GRIP1: variants seen among roughly 807,000 people sequenced by gnomAD.
The protein encoded by GRIP1 is glutamate receptor interacting protein 1.
In GRIP1, 45 loss-of-function variants were observed where a neutral mutation model predicts 129.9. The ratio of observed to expected loss-of-function variants is 0.35; its 90% CI spans 0.27 to 0.44. The LOEUF is 0.44. Ranked by LOEUF, GRIP1 falls within the 20% of genes least tolerant of loss-of-function variation. GRIP1 has a pLI of 1.00. For missense variants in GRIP1, 1,196 were observed against 1,396.8 expected, an observed-to-expected ratio of 0.86 and a Z score of 2.29; for synonymous variants, 530 against 520.8, an observed-to-expected ratio of 1.02 and a Z score of -0.24.
chr12:66,785,320 A>G (rs2038291344), intron 1 of GRIP1, among the ~76,000 whole-genome samples: 1 of 48,248 alleles, frequency 2.1e-5, no homozygotes, highest in Admixed American at 2.6e-4. Flanking sequence ...ACATACATAC[A>G]TACATACATA....
At chr12:66,565,300 A>G (rs1422809381) in intron 2 of GRIP1, among the ~76,000 whole-genome samples, 6 of 152,138 alleles carry the variant, frequency 3.9e-5, no homozygotes, top group Non-Finnish European at 8.8e-5. Flanking sequence ...TAATTTTTGT[A>G]TAAGGTGTAA....
At chr12:66,891,298 G>C (rs12299060) in intron 1 of GRIP1, among the ~76,000 whole-genome samples, 2,470 of 152,224 alleles carry the variant, frequency 0.016, 83 homozygotes, top group African/African-American at 0.056. Context: ...GTTGCAGTTG[G>C]GACTCAATGG....
chr12:66,570,064 T>C (rs997078336), intron 2 of GRIP1, among the ~76,000 whole-genome samples: 4 of 152,018 alleles, frequency 2.6e-5, no homozygotes, highest in African/African-American at 9.7e-5. Context: ...AGTTCACAGT[T>C]GTTAAAATGT....
intron 1 of GRIP1, among the ~76,000 whole-genome samples, chr12:66,874,760 T>A (rs1016079327): frequency 3.3e-5 from 5 of 151,970 alleles, no homozygotes; most frequent in Non-Finnish European, 7.4e-5. Flanking sequence ...CATGAGAATT[T>A]TTCCCCCATG....
intron 1 of GRIP1, among the ~76,000 whole-genome samples, chr12:66,879,678 T>G (rs2040441198): frequency 6.6e-6 from 1 of 152,142 alleles, no homozygotes; most frequent in African/African-American, 2.4e-5. Flanking sequence ...CAGAATGAAT[T>G]GAATGGCAAC....
chr12:66,908,964 G>C (rs1257178344), intron 1 of GRIP1, among the ~76,000 whole-genome samples: 1 of 152,154 alleles, frequency 6.6e-6, no homozygotes, highest in Non-Finnish European at 1.5e-5. Context: ...CAATGGAGGA[G>C]CTTAGACTTC....
intron 1 of GRIP1, among the ~76,000 whole-genome samples, chr12:66,909,449 T>C (rs1295465297): frequency 6.6e-6 from 1 of 152,262 alleles, no homozygotes; most frequent in African/African-American, 2.4e-5. Context: ...TCATTGCATA[T>C]GCAAAACTAG....
Position 66,844,536 on chromosome 12 carries a change from A to G in GRIP1, c.58+224514T>C, listed in dbSNP as rs116509969. Among the ~76,000 whole-genome samples, 744 of 152,316 alleles carry G rather than the reference A, an allele frequency of 4.9e-3. 6 individuals are homozygous for G. Among genetic ancestry groups the G allele is most frequent in the African/African-American group, 0.017 (709 of 41,574 alleles). Reference sequence around the variant, plus strand: ...GGGAATGTAAAATGGTACAGCCACTATGGAAAACAATATGACTTCTCCTCA... The same window carrying G: ...GGGAATGTAAAATGGTACAGCCACTGTGGAAAACAATATGACTTCTCCTCA... On this transcript the variant is annotated intron_variant, in intron 1 of 1. Coordinates refer to the GRIP1 transcript ENST00000643019.
chr12:66,763,997 T>C (rs2037550274), intron 1 of GRIP1, among the ~76,000 whole-genome samples: 1 of 152,202 alleles, frequency 6.6e-6, no homozygotes, highest in Non-Finnish European at 1.5e-5. Flanking sequence ...TATGAGACAT[T>C]GTGTCCATAC....
chr12:66,477,327 T>C (rs1211381080), intron 7 of GRIP1, among the ~76,000 whole-genome samples: 1 of 151,874 alleles, frequency 6.6e-6, no homozygotes, highest in African/African-American at 2.4e-5. Flanking sequence ...ACAAGGGATA[T>C]GAAGGACCTC....
At chr12:66,996,759 T>C (rs2042473524) in intron 1 of GRIP1, among the ~76,000 whole-genome samples, 1 of 152,164 alleles carries the variant, frequency 6.6e-6, no homozygotes, top group Admixed American at 6.6e-5. Context: ...CCTGAATATT[T>C]AGGAATTATG....
intron 23 of GRIP1, among the ~76,000 whole-genome samples, chr12:66,369,340 C>CTTTTTT (rs758593628): frequency 7.5e-5 from 8 of 106,788 alleles, no homozygotes; most frequent in Non-Finnish European, 1.1e-4. Context: ...TTAACAAGAT[C>CTTTTTT]TTTTTTTTTT....
intron 2 of GRIP1, among the ~76,000 whole-genome samples, chr12:66,549,775 C>T (rs543394878): frequency 1.3e-5 from 2 of 152,208 alleles, no homozygotes; most frequent in African/African-American, 2.4e-5. Flanking sequence ...CAGGGATGTA[C>T]AGCACATAAA....
intron 19 of GRIP1, among the ~76,000 whole-genome samples, chr12:66,385,522 G>A (rs1219478390): frequency 6.6e-6 from 1 of 151,890 alleles, no homozygotes; most frequent in African/African-American, 2.4e-5. Context: ...GGTGATAAAA[G>A]CAAAACTCGG....
chr12:66,466,444 C>T (rs556636250), intron 7 of GRIP1, among the ~76,000 whole-genome samples: 1 of 152,274 alleles, frequency 6.6e-6, no homozygotes, highest in East Asian at 1.9e-4. Flanking sequence ...TTGCTTAAAG[C>T]TCATTAGAGC....
At chr12:66,666,702 C>T (rs1215349239) in intron 1 of GRIP1, among the ~76,000 whole-genome samples, 1 of 152,084 alleles carries the variant, frequency 6.6e-6, no homozygotes. Context: ...TTCCTCTTTC[C>T]TAGATTACTT....
intron 1 of GRIP1, among the ~76,000 whole-genome samples, chr12:67,038,269 G>T (rs1382899123): frequency 6.6e-6 from 1 of 152,138 alleles, no homozygotes; most frequent in Non-Finnish European, 1.5e-5. Flanking sequence ...GGATCCTGAT[G>T]GTTTTCTAGC....
chr12:66,511,595 T>TG (rs1350895105), intron 7 of GRIP1, among the ~76,000 whole-genome samples: 2 of 152,144 alleles, frequency 1.3e-5, no homozygotes, highest in African/African-American at 4.8e-5. Flanking sequence ...CTGGACACAG[T>TG]GCTCAGTATA....
intron 1 of GRIP1, among the ~76,000 whole-genome samples, chr12:66,812,185 A>G (rs2039116956): frequency 6.6e-6 from 1 of 152,168 alleles, no homozygotes; most frequent in Non-Finnish European, 1.5e-5. Context: ...TCAGGCTGGA[A>G]TGGAGTGGCG....
Sources: gnomAD v4.1 joint callset for allele counts (sites outside exome capture counted in the v4.1 genomes callset) on GRCh38, gnomAD v4.1.1 for gene constraint, MANE v1.5 for transcripts, NCBI Gene and HGNC (gene_info 2026-07-23, HGNC 2026-07-21) for gene names.